ROPN1B: variants seen among roughly 807,000 people sequenced by gnomAD.
ROPN1B encodes rhophilin associated tail protein 1B, also known as ropporin-1B.
Under a neutral mutation model 23.7 loss-of-function variants are expected in ROPN1B, and 13 were observed. The ratio of observed to expected loss-of-function variants is 0.55; its 90% CI spans 0.36 to 0.87. The LOEUF (loss-of-function observed/expected upper bound fraction) is 0.87, where lower values mean the gene tolerates loss of function less well. Ranked by LOEUF, ROPN1B falls within the 40% of genes least tolerant of loss-of-function variation. ROPN1B has a pLI of 0.01. For synonymous variants in ROPN1B, 67 were observed against 100.4 expected (o/e 0.67, Z 1.99); for missense variants, 183 against 249.2 (o/e 0.73, Z 1.79).
At position 125,978,571 on chromosome 3, in the gene ROPN1B, G is replaced by A. The variant is rs758307094; in HGVS notation, c.396+1406G>A. On this transcript the variant is annotated intron_variant, in intron 5 of 6. Coordinates refer to ENST00000514116, the MANE Select transcript of ROPN1B (RefSeq NM_001308313.2). ...ATGGAAAGAGGACCACAGAGCAGTC[G>A]TTTCTCACATCCCTCAGTCTTCTCT... Among the ~76,000 whole-genome samples the A allele has an allele frequency of 3.3e-5, 5 of 152,304 alleles. No homozygotes were observed. In the East Asian group the frequency reaches 7.7e-4, roughly 24 times the overall value.
At chr3:125,972,345 T>A in intron 3 of ROPN1B, 175 bp downstream of exon 3, 3 of 647,468 alleles carry the variant, frequency 4.6e-6, no homozygotes, top group Non-Finnish European at 5.3e-6. Flanking sequence ...ATACTACATC[T>A]AGCCGGGCAA....
At chr3:125,981,197 A>C (rs1024338929) in intron 5 of ROPN1B, among the ~76,000 whole-genome samples, 5 of 152,200 alleles carry the variant, frequency 3.3e-5, no homozygotes, top group African/African-American at 1.2e-4. Flanking sequence ...CTCAAGGAAG[A>C]GTTTATTCAC....
chr3:125,970,641 T>TA (rs942208022), intron 1 of ROPN1B, among the ~76,000 whole-genome samples: 6 of 152,172 alleles, frequency 3.9e-5, no homozygotes, highest in Non-Finnish European at 8.8e-5. Context: ...CAATAAATAC[T>TA]AAAAAAATTT....
chr3:125,981,371 G>T (rs1361659988), intron 5 of ROPN1B, among the ~76,000 whole-genome samples: 1 of 152,192 alleles, frequency 6.6e-6, no homozygotes, highest in Non-Finnish European at 1.5e-5. Context: ...CATGTGGGAA[G>T]ATACAGCAGC....
chr3:125,977,629 A>G (rs1163005422), intron 5 of ROPN1B: 1 of 191,880 alleles, frequency 5.2e-6, no homozygotes, highest in African/African-American at 2.4e-5. Context: ...AAACAAAGAG[A>G]GATGAGGCTA....
rs1305002665 is a variant in ROPN1B at position 125,973,231 on chromosome 3, G to T, written c.116+1061G>T. ...TGAGTGGGTGTCCTGGGCAGATGGT[G>T]GGGAGAGTGTGGACACCTTTGAGAA... On this transcript the variant is annotated intron_variant, in intron 3 of 6. Transcript: ENST00000514116. 8.6e-6 allele frequency: 3 copies of T among 349,814 alleles called. No individual in the cohort carries two copies. In the Admixed American group the frequency reaches 1.2e-4, roughly 14 times the overall value. 21.7% of individuals were successfully genotyped at this position (349,814 alleles called of 1,614,324 possible).
At chr3:125,971,996 T>A in intron 2 of ROPN1B, 47 bp from the exon 3 acceptor site, 1 of 1,573,706 alleles carries the variant, frequency 6.4e-7, no homozygotes, top group Non-Finnish European at 8.7e-7. Context: ...TGCTCTCATC[T>A]TATGAGTCCA....
At chr3:125,970,459 G>A (rs1218582310) in intron 1 of ROPN1B, among the ~76,000 whole-genome samples, 4 of 152,092 alleles carry the variant, frequency 2.6e-5, no homozygotes, top group Non-Finnish European at 4.4e-5. Context: ...AAAAACAAGT[G>A]AGAAATCCCT....
At position 125,977,004 on chromosome 3, in the gene ROPN1B, G is replaced by A; in HGVS notation, c.235G>A (p.Val79Ile). ...PELLKILHSQ[V>I]AGRLIIRAEE... ...GTTGTGTCTGTCCCCTGCCCTGCAG[G>A]TTGCTGGCAGACTGATCATCCGTGC... The change falls in exon 5 of 7, where the codon GTT becomes ATT. Residue 79 changes from valine (V) to isoleucine (I), a missense_variant and splice_region_variant. Physicochemically the swap from Val to Ile is conservative, Grantham distance 29 (BLOSUM62 3). This residue lies in a region of ROPN1B where 6 missense variants were observed against 51.6 expected (regional missense o/e 0.12). Transcript: ENST00000514116. The A allele has an allele frequency of 2.4e-6, 2 of 821,476 alleles. No individual in the cohort carries two copies. Among genetic ancestry groups the A allele is most frequent in the East Asian group, 4.9e-5 (2 of 40,490 alleles). The allele number at this position is 821,476 out of a possible 1,614,324, so 50.9% of individuals were successfully genotyped here.
At chr3:125,975,161 G>GTTT (rs1395102088) in intron 3 of ROPN1B, among the ~76,000 whole-genome samples, 1 of 151,914 alleles carries the variant, frequency 6.6e-6, no homozygotes, top group Non-Finnish European at 1.5e-5. Flanking sequence ...CCTTTCTTAC[G>GTTT]TACATTACTT....
At chr3:125,972,015 T>G in intron 2 of ROPN1B, 28 bp from the exon 3 acceptor site, 1 of 1,601,526 alleles carries the variant, frequency 6.2e-7, no homozygotes, top group Non-Finnish European at 8.5e-7. Flanking sequence ...CAAGTTTTCA[T>G]CTTATGTATT....
rs114452331 is a variant in ROPN1B, at chr3:125,979,199, G to A, written c.396+2034G>A. 1.4e-3 allele frequency among the ~76,000 whole-genome samples: 209 copies of A among 152,202 alleles called. 1 individual carries two copies. The highest frequency in any genetic ancestry group is 3.9e-3 in the African/African-American group (160 of 41,540). On this transcript the variant is annotated intron_variant, in intron 5 of 6. Coordinates refer to ENST00000514116, the MANE Select transcript of ROPN1B (RefSeq NM_001308313.2). ...ATCCCCATGTCAAAGAACCCCTAGA[G>A]GTAAAGTCAGCCTGGAGGTTAAGTC...
intron 4 of ROPN1B, 92 bp downstream of exon 4, chr3:125,975,772 A>G: frequency 1.7e-6 from 2 of 1,181,360 alleles, no homozygotes; most frequent in Admixed American, 2.2e-5. Flanking sequence ...CCTGCCAGTC[A>G]GCTGACCACT....
At position 125,972,169 on chromosome 3, in the gene ROPN1B, G is replaced by A. The variant is rs143434891; in HGVS notation, c.115G>A (p.Asp39Asn). The change falls in exon 3 of 7, where the codon GAT becomes AAT. Residue 39 changes from aspartate (D) to asparagine (N), a missense_variant and splice_region_variant. Transcript: ENST00000514116. ...QPQDLIQWGA[D>N]YFEALSRGET... ...GCAGGACCTCATCCAGTGGGGGGCCGAGTACGTGCTCCTTTCTCGCCTTCA... is the reference window on the plus strand; with the variant it reads ...GCAGGACCTCATCCAGTGGGGGGCCAAGTACGTGCTCCTTTCTCGCCTTCA... The A allele has an allele frequency of 1.1e-5, 18 of 1,614,110 alleles. 1 individual carries two copies. The South Asian group carries it at 1.6e-4, about 15-fold the overall frequency.
rs147824394 is a variant in ROPN1B at position 125,977,815 on chromosome 3, T to C, written c.396+650T>C. The C allele has an allele frequency of 5.5e-3, 839 of 153,062 alleles. 9 individuals are homozygous for C. The highest frequency in any genetic ancestry group is 0.019 in the African/African-American group (803 of 41,580). The allele number at this position is 153,062 out of a possible 1,614,324, so 9.5% of individuals were successfully genotyped here. A position where few individuals can be genotyped will look rare whatever the true frequency, so the allele number is the denominator to read the frequency against. On this transcript the variant is annotated intron_variant, in intron 5 of 6. Coordinates refer to ENST00000514116, the MANE Select transcript of ROPN1B (RefSeq NM_001308313.2). ...AAGCTTGGGTATCTTATATGTGGACTTACATTGTTAAACATTGTTAAAATA... is the reference window on the plus strand; with the variant it reads ...AAGCTTGGGTATCTTATATGTGGACCTACATTGTTAAACATTGTTAAAATA...
chr3:125,975,753 C>T, intron 4 of ROPN1B, 73 bp downstream of exon 4: 1 of 1,372,618 alleles, frequency 7.3e-7, no homozygotes, highest in Non-Finnish European at 9.9e-7. Context: ...GACGAAAGCC[C>T]TCTGTTCTCC....
intron 4 of ROPN1B, 88 bp downstream of exon 4, chr3:125,975,768 A>C: frequency 8.0e-7 from 1 of 1,253,384 alleles, no homozygotes; most frequent in Non-Finnish European, 1.1e-6. Context: ...TTCTCCTGCC[A>C]GTCAGCTGAC....
At chr3:125,982,518 G>C in intron 6 of ROPN1B, 73 bp downstream of exon 6, 1 of 1,315,334 alleles carries the variant, frequency 7.6e-7, no homozygotes, top group Non-Finnish European at 1.0e-6. Context: ...GACAGAGTGA[G>C]ATTATTGTAT....
intron 2 of ROPN1B, 92 bp from the exon 3 acceptor site, chr3:125,971,951 G>A: frequency 1.6e-6 from 2 of 1,218,886 alleles, no homozygotes; most frequent in Non-Finnish European, 2.3e-6. Flanking sequence ...AAAATTGAGT[G>A]TCAAACAGAG....
Sources: gnomAD v4.1 joint callset for allele counts (sites outside exome capture counted in the v4.1 genomes callset) on GRCh38, gnomAD v4.1.1 for gene constraint, gnomAD v4.1.1 regional missense constraint, MANE v1.5 for transcripts, NCBI Gene and HGNC (gene_info 2026-07-23, HGNC 2026-07-21) for gene names.